MZT2B: variants seen among roughly 807,000 people sequenced by gnomAD.
MZT2B encodes mitotic spindle organizing protein 2B.
MZT2B carries 11 observed loss-of-function variants against 12.1 expected under a neutral mutation model. The ratio of observed to expected loss-of-function variants is 0.91; its 90% confidence interval spans 0.57 to 1.50. The LOEUF is 1.50. Ranked by LOEUF, MZT2B falls within the 40% of genes most tolerant of loss-of-function variation. MZT2B has a pLI of 0.00. For synonymous variants in MZT2B, 85 were observed against 109.5 expected (o/e 0.78, Z 1.40); for missense variants, 209 against 227.7 (o/e 0.92, Z 0.53).
chr2:130,196,559 C>T, the MZT2B span, among the ~76,000 whole-genome samples: 1 of 152,202 alleles, frequency 6.6e-6, no homozygotes, highest in Non-Finnish European at 1.5e-5. Flanking sequence ...GTAAACCATA[C>T]TAGCTAGTAA....
chr2:130,197,601 A>G, the MZT2B span, among the ~76,000 whole-genome samples: 1 of 127,554 alleles, frequency 7.8e-6, no homozygotes, highest in Non-Finnish European at 1.7e-5. Flanking sequence ...TGTTATGTTA[A>G]TGGGCTGCTT....
At position 130,190,597 on chromosome 2, in the gene MZT2B, G is replaced by C; in HGVS notation, c.448G>C (p.Gly150Arg). ...CAGGCTGCCCAAGGGGGGCGGGCCT[G>C]GGAAGAGCCCTACACGGGGCAGCAC... ...ATRLPKGGGP[G>R]KSPTRGST is the part of the protein sequence containing the mutation. The change falls in exon 3 of 3, where the codon GGG becomes CGG. Residue 150 changes from glycine to arginine, a missense_variant. Gly to Arg is a moderately radical substitution (Grantham distance 125). Coordinates refer to ENST00000281871, the MANE Select transcript of MZT2B (RefSeq NM_025029.5). The C allele has an allele frequency of 3.7e-6, 6 of 1,612,876 alleles. No homozygotes were observed. The highest frequency in any genetic ancestry group is 5.1e-6 in the Non-Finnish European group (6 of 1,179,344).
At chr2:130,181,777 G>A (rs1689671069), upstream of MZT2B, 1 of 1,547,420 alleles carries the variant, frequency 6.5e-7, no homozygotes, top group Non-Finnish European at 8.7e-7. Flanking sequence ...CCTGCGTTGT[G>A]GCGGCCTCCG....
chr2:130,190,951 G>GT (rs200058709), downstream of MZT2B, among the ~76,000 whole-genome samples: 3,275 of 151,914 alleles, frequency 0.022, 98 homozygotes, highest in African/African-American at 0.067. Context: ...AATGTGGGAG[G>GT]TTTTTTTGGT....
At chr2:130,194,340 C>G (rs1690351432), downstream of MZT2B, 1 of 1,610,404 alleles carries the variant, frequency 6.2e-7, no homozygotes, top group African/African-American at 1.4e-5. Flanking sequence ...ATGGCAAACT[C>G]TAGCTTGGAC....
At chr2:130,193,703 C>T (rs1356592081), downstream of MZT2B, 1 of 1,529,266 alleles carries the variant, frequency 6.5e-7, no homozygotes, top group Non-Finnish European at 8.8e-7. Context: ...GGATAGTCTC[C>T]CCAAAGGATG....
intron 1 of MZT2B, 41 bp from the exon 2 acceptor site, chr2:130,182,586 G>A (rs770873384): frequency 1.1e-5 from 17 of 1,558,804 alleles, no homozygotes; most frequent in African/African-American, 1.4e-5. Context: ...TGGCCGCGCC[G>A]GGCGGAGAGG....
At chr2:130,191,051 G>A (rs554026254), downstream of MZT2B, among the ~76,000 whole-genome samples, 3 of 152,218 alleles carry the variant, frequency 2.0e-5, no homozygotes, top group South Asian at 2.1e-4. Context: ...CTGGGTTCAC[G>A]CCATTCTCCT....
chr2:130,201,506 C>T, the MZT2B span, among the ~76,000 whole-genome samples: 1 of 152,136 alleles, frequency 6.6e-6, no homozygotes, highest in Non-Finnish European at 1.5e-5. Flanking sequence ...TATGACCTCA[C>T]TTAACCTTCA....
chr2:130,181,659 T>G (rs1210105568), upstream of MZT2B: 1 of 1,551,086 alleles, frequency 6.4e-7, no homozygotes, highest in Non-Finnish European at 8.7e-7. Context: ...TCCACCTCTT[T>G]GGGCCGTTAC....
At chr2:130,191,841 T>C, downstream of MZT2B, 1 of 1,601,130 alleles carries the variant, frequency 6.2e-7, no homozygotes, top group Non-Finnish European at 8.5e-7. Flanking sequence ...TCAGTATGCT[T>C]CGCCTTCTTC....
In MZT2B at chr2:130,183,143, G is replaced by T. The variant is rs932757045; in HGVS notation, c.319+368G>T. On this transcript the variant is annotated intron_variant, in intron 2 of 2. Transcript: ENST00000281871. ...TTTGGGACCCCAGGGCGGGAGGATCGTTTGAGGCCATGAGTTTTAGACCAC... is the reference window on the plus strand; with the variant it reads ...TTTGGGACCCCAGGGCGGGAGGATCTTTTGAGGCCATGAGTTTTAGACCAC... 167 of 388,678 alleles carry T rather than the reference G, an allele frequency of 4.3e-4. 1 individual carries two copies. The highest frequency in any genetic ancestry group is 9.4e-5 in the Non-Finnish European group (20 of 213,530). The allele number at this position is 388,678 out of a possible 1,614,324, so 24.1% of individuals were successfully genotyped here. A position where few individuals can be genotyped will look rare whatever the true frequency, so the allele number is the denominator to read the frequency against.
chr2:130,184,489 C>A (rs1689979175), intron 2 of MZT2B: 6 of 985,438 alleles, frequency 6.1e-6, no homozygotes, highest in Non-Finnish European at 7.2e-6. Flanking sequence ...AGCACACTTT[C>A]CAGGTGTCAG....
At chr2:130,190,398 C>G (rs1406817956) in intron 2 of MZT2B, 71 bp from the exon 3 acceptor site, 14 of 1,586,812 alleles carry the variant, frequency 8.8e-6, no homozygotes, top group African/African-American at 4.0e-5. Flanking sequence ...TGCCCAAGGA[C>G]CACGAGTACA....
At chr2:130,183,815 T>C in intron 2 of MZT2B, 1 of 1,550,710 alleles carries the variant, frequency 6.4e-7, no homozygotes, top group Non-Finnish European at 8.7e-7. Context: ...CCAGGAACAG[T>C]AGCCCCCCTG....
At chr2:130,197,894 C>T in the MZT2B span, among the ~76,000 whole-genome samples, 5 of 125,252 alleles carry the variant, frequency 4.0e-5, 1 homozygote, top group Admixed American at 1.8e-4. Context: ...AGGCGTGAGC[C>T]GCCGCGCCTG....
At chr2:130,190,747 T>G (rs1558781083), downstream of MZT2B, 6 of 1,297,672 alleles carry the variant, frequency 4.6e-6, no homozygotes, top group African/African-American at 9.3e-5. Context: ...TACCGTTTTT[T>G]TTTTTTGTTT....
the MZT2B span, chr2:130,198,419 T>A: frequency 2.5e-4 from 334 of 1,353,174 alleles, 84 homozygotes; most frequent in Non-Finnish European, 3.2e-4. Context: ...CTGCCACAGC[T>A]GCTGAGCGCC....
intron 2 of MZT2B, 39 bp from the exon 3 acceptor site, chr2:130,190,430 C>T (rs1690220890): frequency 1.9e-6 from 3 of 1,605,124 alleles, no homozygotes; most frequent in Non-Finnish European, 8.5e-7. Context: ...AGTTACGGGG[C>T]ACGCCCATTC....
Sources: allele counts gnomAD v4.1 joint callset (sites outside exome capture counted in the v4.1 genomes callset), GRCh38; gene constraint gnomAD v4.1.1; transcripts MANE v1.5; gene names NCBI Gene and HGNC (gene_info 2026-07-23, HGNC 2026-07-21).